Variants in KREMEN1 observed in about 807,000 individuals in gnomAD.
KREMEN1 encodes kringle containing transmembrane protein 1, also known as kremen protein 1.
Under a neutral mutation model 46.5 loss-of-function variants are expected in KREMEN1, and 30 were observed. That is an observed-to-expected ratio of 0.65 (90% CI 0.48 to 0.88). The LOEUF (loss-of-function observed/expected upper bound fraction) is 0.88. KREMEN1 is among the 40% of genes least tolerant of loss of function. KREMEN1 has a pLI of 0.00. For missense variants in KREMEN1, 533 were observed against 596.9 expected, an observed-to-expected ratio of 0.89 and a Z score of 1.11; for synonymous variants, 214 against 230.6, an observed-to-expected ratio of 0.93 and a Z score of 0.65.
intron 5 of KREMEN1, among the ~76,000 whole-genome samples, chr22:29,137,096 C>T (rs375206438): frequency 6.6e-6 from 1 of 152,232 alleles, no homozygotes; most frequent in African/African-American, 2.4e-5. Flanking sequence ...TGACTCCAGC[C>T]CTGCCCCAAC....
At chr22:29,116,789 C>T (rs2038247221) in intron 3 of KREMEN1, among the ~76,000 whole-genome samples, 1 of 152,168 alleles carries the variant, frequency 6.6e-6, no homozygotes, top group Non-Finnish European at 1.5e-5. Flanking sequence ...GGTCCTTTAA[C>T]AAACTCAGTT....
At chr22:29,107,976 T>C (rs180813790) in intron 3 of KREMEN1, among the ~76,000 whole-genome samples, 2 of 152,178 alleles carry the variant, frequency 1.3e-5, no homozygotes, top group Admixed American at 1.3e-4. Context: ...GTGGAGAGTG[T>C]AAAAGTGCTT....
At chr22:29,084,545 T>G (rs1222664821) in intron 1 of KREMEN1, among the ~76,000 whole-genome samples, 2 of 152,216 alleles carry the variant, frequency 1.3e-5, no homozygotes, top group African/African-American at 4.8e-5. Context: ...GGGCCCTGCC[T>G]GGGTAGGAGT....
chr22:29,127,223 A>G (rs903120714), intron 5 of KREMEN1, among the ~76,000 whole-genome samples: 1 of 152,230 alleles, frequency 6.6e-6, no homozygotes, highest in African/African-American at 2.4e-5. Context: ...AGACAGCCAC[A>G]TGACATGGAC....
rs1471355394 is a variant in KREMEN1, at chr22:29,143,782, G to C, written c.*1670G>C. 1 of 984,870 alleles carries C rather than the reference G, an allele frequency of 1.0e-6. No homozygotes were observed. The highest frequency in any genetic ancestry group is 1.2e-6 in the Non-Finnish European group (1 of 830,148). 61.0% of individuals were successfully genotyped at this position (984,870 alleles called of 1,614,324 possible). On this transcript the variant is annotated 3_prime_UTR_variant, in exon 9 of 9. Coordinates refer to ENST00000400335, the MANE Select transcript of KREMEN1 (RefSeq NM_001039570.3). ...ACTCCAAGGGCCATCCGTGCTCTCTGCCCCTCCTGTGGGGACCAAGTGGGG... is the reference window on the plus strand; with the variant it reads ...ACTCCAAGGGCCATCCGTGCTCTCTCCCCCTCCTGTGGGGACCAAGTGGGG...
intron 3 of KREMEN1, among the ~76,000 whole-genome samples, chr22:29,102,093 TA>T (rs1203027152): frequency 1.3e-5 from 2 of 152,210 alleles, no homozygotes; most frequent in Non-Finnish European, 2.9e-5. Context: ...CTATCTGGGT[TA>T]TTTTTTTCTT....
chr22:29,124,587 G>T (rs1451802576), intron 4 of KREMEN1, among the ~76,000 whole-genome samples: 1 of 151,966 alleles, frequency 6.6e-6, no homozygotes, highest in African/African-American at 2.4e-5. Context: ...CCACCTCCAG[G>T]GTTCAAGCAA....
In KREMEN1 at chr22:29,145,762, C is replaced by G; in HGVS notation, c.*3650C>G. On this transcript the variant is annotated 3_prime_UTR_variant, in exon 9 of 9. Transcript: ENST00000400335. ...CCTCTCTGGGCGTGAGCGAGGAAAC[C>G]AGGCTGCTCTAACTTCTGAAGAGTG... is the stretch of plus-strand genomic sequence containing the variant. 1 of 985,560 alleles carries G rather than the reference C, an allele frequency of 1.0e-6. No individual in the cohort carries two copies. Among genetic ancestry groups the G allele is most frequent in the South Asian group, 4.7e-5 (1 of 21,288 alleles). 61.1% of individuals were successfully genotyped at this position (985,560 alleles called of 1,614,324 possible). A position where few individuals can be genotyped will look rare whatever the true frequency, so the allele number is the denominator to read the frequency against.
intron 2 of KREMEN1, among the ~76,000 whole-genome samples, chr22:29,098,350 G>T (rs1465996440): frequency 6.6e-6 from 1 of 151,904 alleles, no homozygotes; most frequent in African/African-American, 2.4e-5. Flanking sequence ...AAAATGTTTT[G>T]TTGAACATCT....
Position 29,144,218 on chromosome 22 carries a change from G to C in KREMEN1, c.*2106G>C. 2 of 985,572 alleles carry C rather than the reference G, an allele frequency of 2.0e-6. No individual in the cohort carries two copies. The highest frequency in any genetic ancestry group is 2.4e-6 in the Non-Finnish European group (2 of 830,036). 61.1% of individuals were successfully genotyped at this position (985,572 alleles called of 1,614,324 possible). On this transcript the variant is annotated 3_prime_UTR_variant, in exon 9 of 9. Transcript: ENST00000400335. Reference sequence around the variant, plus strand: ...CCCAAGCCCTGAGCCACTGCCTGCTGGGGCTCCTACTGAGGTTCTGGAAAC... The same window carrying C: ...CCCAAGCCCTGAGCCACTGCCTGCTCGGGCTCCTACTGAGGTTCTGGAAAC...
intron 1 of KREMEN1, among the ~76,000 whole-genome samples, chr22:29,081,486 G>A (rs2037654545): frequency 6.6e-6 from 1 of 152,130 alleles, no homozygotes; most frequent in Non-Finnish European, 1.5e-5. Flanking sequence ...AAATTTAACT[G>A]AGAATTCTGT....
chr22:29,125,188 C>T, intron 4 of KREMEN1, 75 bp from the exon 5 acceptor site: 1 of 1,554,372 alleles, frequency 6.4e-7, no homozygotes, highest in South Asian at 1.2e-5. Flanking sequence ...GCTGGAAGCC[C>T]ACCCTGCCAG....
chr22:29,116,931 A>G (rs1017129957), intron 3 of KREMEN1, among the ~76,000 whole-genome samples: 1 of 152,124 alleles, frequency 6.6e-6, no homozygotes, highest in Non-Finnish European at 1.5e-5. Context: ...TTCTGTTTAC[A>G]TTTGCTACTA....
At chr22:29,154,295 G>A (rs1290246078) in intron 9 of KREMEN1, 1 of 152,208 alleles carries the variant, frequency 6.6e-6, no homozygotes, top group East Asian at 1.9e-4. Context: ...TTCAATATGT[G>A]ACCCCATTTA....
intron 1 of KREMEN1, among the ~76,000 whole-genome samples, chr22:29,088,283 G>A (rs891393954): frequency 6.1e-5 from 9 of 146,632 alleles, no homozygotes; most frequent in African/African-American, 2.0e-4. Flanking sequence ...CCAGAATAAC[G>A]TGCGCACGCG....
At chr22:29,159,627 A>C (rs948143621) in intron 9 of KREMEN1, among the ~76,000 whole-genome samples, 1 of 84,102 alleles carries the variant, frequency 1.2e-5, no homozygotes, top group African/African-American at 4.3e-5. Context: ...TAAAAAATAA[A>C]AAACAAAAAC....
chr22:29,074,496 A>G lies in KREMEN1; in HGVS notation c.97+1269A>G, dbSNP rs150084783. On this transcript the variant is annotated intron_variant, in intron 1 of 8. Transcript: ENST00000400335. ...GGCTTTTGCTTAACTTCCACACGCA[A>G]CCTTGTAGCCGAATCCTTTCTAAGT... Among the ~76,000 whole-genome samples, 817 of 152,300 alleles carry G rather than the reference A, an allele frequency of 5.4e-3. 5 individuals carry two copies. Among genetic ancestry groups the G allele is most frequent in the African/African-American group, 0.018 (768 of 41,560 alleles).
chr22:29,140,402 G>T lies in KREMEN1; in HGVS notation c.1208+36G>T, dbSNP rs769080534. ...GAGGGAGCTGCCCAATTCCAGGAAA[G>T]GGAAGGCTCAGAGTTCATTTTCTAT... On this transcript the variant is annotated intron_variant, in intron 8 of 8. Coordinates refer to ENST00000400335, the MANE Select transcript of KREMEN1 (RefSeq NM_001039570.3). 9.6e-6 allele frequency: 14 copies of T among 1,465,098 alleles called. No homozygotes were observed. The Admixed American group carries it at 2.3e-4, about 25-fold the overall frequency. The allele number at this position is 1,465,098 out of a possible 1,614,324, so 90.8% of individuals were successfully genotyped here. A position where few individuals can be genotyped will look rare whatever the true frequency, so the allele number is the denominator to read the frequency against.
Position 29,088,327 on chromosome 22 carries a change from A to ACACG in KREMEN1, c.98-5927_98-5924dup, listed in dbSNP as rs1556002412. Reference sequence around the variant, plus strand: ...TGCATACACACACACACACACACACACACGCACACACATATTTTGAGATGG... The same window carrying ACACG: ...TGCATACACACACACACACACACACACACGCACGCACACACATATTTTGAGATGG... On this transcript the variant is annotated intron_variant, in intron 1 of 8. Transcript: ENST00000400335. Among the ~76,000 whole-genome samples, 936 of 150,376 alleles carry ACACG rather than the reference A, an allele frequency of 6.2e-3. 8 individuals carry two copies. The highest frequency in any genetic ancestry group is 6.9e-3 in the Middle Eastern group (2 of 288).
Sources: allele counts gnomAD v4.1 joint callset (sites outside exome capture counted in the v4.1 genomes callset), GRCh38; gene constraint gnomAD v4.1.1; transcripts MANE v1.5; gene names NCBI Gene and HGNC (gene_info 2026-07-23, HGNC 2026-07-21).